VAV2: variants seen among roughly 807,000 people sequenced by gnomAD.
VAV2 encodes guanine nucleotide exchange factor VAV2.
Under a neutral mutation model 132.5 loss-of-function variants are expected in VAV2, and 67 were observed. The ratio of observed to expected loss-of-function variants is 0.51; its 90% CI spans 0.42 to 0.62. VAV2 has a LOEUF of 0.62. Among genes scored for constraint, VAV2 ranks in the 20% least tolerant of loss-of-function variants. VAV2 has a pLI of 0.00. For missense variants in VAV2, 938 were observed against 1,153.6 expected (o/e 0.81, Z 2.71); for synonymous variants, 492 against 443.5 (o/e 1.11, Z -1.37).
At chr9:133,835,487 A>T (rs1234661965) in intron 3 of VAV2, among the ~76,000 whole-genome samples, 1 of 152,176 alleles carries the variant, frequency 6.6e-6, no homozygotes, top group Non-Finnish European at 1.5e-5. Flanking sequence ...GCTCAACGCT[A>T]TGGGCCAAAT....
intron 3 of VAV2, among the ~76,000 whole-genome samples, chr9:133,849,443 C>G (rs1219567193): frequency 1.3e-5 from 2 of 152,210 alleles, no homozygotes; most frequent in Non-Finnish European, 2.9e-5. Context: ...GCCTCCACCC[C>G]ACAGGCAGGC....
intron 2 of VAV2, among the ~76,000 whole-genome samples, chr9:133,871,403 CGGATGGAT>C (rs146750703): frequency 9.1e-5 from 13 of 142,924 alleles, no homozygotes; most frequent in African/African-American, 2.9e-4. Flanking sequence ...GATGGACGGA[CGGATGGAT>C]GGATGGATGG....
chr9:133,780,434 T>C (rs1424077329), intron 20 of VAV2, among the ~76,000 whole-genome samples: 1 of 152,112 alleles, frequency 6.6e-6, no homozygotes, highest in Non-Finnish European at 1.5e-5. Flanking sequence ...GTCCCAGAGC[T>C]GTACCCATAG....
chr9:133,909,029 G>C (rs111886975), intron 2 of VAV2, among the ~76,000 whole-genome samples: 3 of 152,208 alleles, frequency 2.0e-5, no homozygotes, highest in African/African-American at 7.2e-5. Context: ...TAAGAACATC[G>C]AACTCAAAAA....
chr9:133,964,039 A>G (rs914253809), intron 1 of VAV2, among the ~76,000 whole-genome samples: 2 of 104,550 alleles, frequency 1.9e-5, no homozygotes, highest in Non-Finnish European at 4.3e-5. Flanking sequence ...ATATATATAT[A>G]TATATATATA....
intron 1 of VAV2, among the ~76,000 whole-genome samples, chr9:133,977,218 C>T (rs1460562995): frequency 6.6e-6 from 1 of 152,246 alleles, no homozygotes; most frequent in Non-Finnish European, 1.5e-5. Context: ...CTCCGGCATC[C>T]AATGGGTGCC....
At chr9:133,856,485 GC>G (rs1359721249) in intron 3 of VAV2, among the ~76,000 whole-genome samples, 4 of 151,776 alleles carry the variant, frequency 2.6e-5, no homozygotes, top group Non-Finnish European at 5.9e-5. Context: ...GCTGGTATGT[GC>G]CCCCCACTGG....
intron 29 of VAV2, among the ~76,000 whole-genome samples, chr9:133,765,253 C>CA (rs1588147331): frequency 6.6e-6 from 1 of 152,356 alleles, no homozygotes; most frequent in East Asian, 1.9e-4. Flanking sequence ...TACCTAACCT[C>CA]AAAGTATTAC....
chr9:133,789,691 A>C (rs1455288773), intron 13 of VAV2, among the ~76,000 whole-genome samples: 2 of 146,722 alleles, frequency 1.4e-5, no homozygotes, highest in Middle Eastern at 3.2e-3. Flanking sequence ...AAAAGCCAGA[A>C]GCCCAAGCCC....
intron 6 of VAV2, 104 bp downstream of exon 6, chr9:133,810,087 G>A: frequency 6.5e-7 from 1 of 1,529,894 alleles, no homozygotes. Flanking sequence ...TGTCTTCCTG[G>A]GGGCAGGGTC....
intron 2 of VAV2, among the ~76,000 whole-genome samples, chr9:133,937,517 CGCGTGTGAGAGTGT>C (rs1252173032): frequency 9.4e-6 from 1 of 106,270 alleles, no homozygotes; most frequent in African/African-American, 3.3e-5. Context: ...AGTGTGTGTG[CGCGTGTGAGAGTGT>C]GTGTGAGAGT....
chr9:133,904,094 C>T (rs1839546245), intron 2 of VAV2, among the ~76,000 whole-genome samples: 1 of 152,212 alleles, frequency 6.6e-6, no homozygotes, highest in African/African-American at 2.4e-5. Context: ...TTTTGAGCTG[C>T]TTCCTATCCG....
chr9:133,827,440 AGTGGGG>A (rs1353883878), intron 4 of VAV2, among the ~76,000 whole-genome samples: 2 of 3,554 alleles, frequency 5.6e-4, no homozygotes, highest in Non-Finnish European at 1.0e-3. Flanking sequence ...CTGACCACTG[AGTGGGG>A]GCATCACCAC....
intron 9 of VAV2, among the ~76,000 whole-genome samples, 195 bp downstream of exon 9, chr9:133,805,886 G>A (rs1024641451): frequency 4.9e-4 from 75 of 152,280 alleles, no homozygotes; most frequent in African/African-American, 1.7e-3. Context: ...AGGACAGGAG[G>A]CTCCACACCC....
intron 7 of VAV2, among the ~76,000 whole-genome samples, chr9:133,807,650 G>C (rs1327236568): frequency 6.6e-6 from 1 of 152,194 alleles, no homozygotes; most frequent in Non-Finnish European, 1.5e-5. Flanking sequence ...GAGGGGCTGA[G>C]ACCCAGGAGG....
intron 3 of VAV2, among the ~76,000 whole-genome samples, chr9:133,849,283 G>C (rs1837076282): frequency 6.6e-6 from 1 of 152,168 alleles, no homozygotes; most frequent in South Asian, 2.1e-4. Context: ...CCTCATCCCT[G>C]CTACCTGGAG....
intron 22 of VAV2, 107 bp downstream of exon 22, chr9:133,778,655 C>T (rs368323857): frequency 4.1e-6 from 6 of 1,473,380 alleles, no homozygotes; most frequent in East Asian, 4.9e-5. Flanking sequence ...TGGTCTCTCA[C>T]CTCTCTGCCT....
intron 4 of VAV2, among the ~76,000 whole-genome samples, chr9:133,825,725 T>C (rs2131745497): frequency 6.6e-6 from 1 of 152,172 alleles, no homozygotes; most frequent in African/African-American, 2.4e-5. Flanking sequence ...TGTTCCTCAC[T>C]CCTTGTACCC....
At chr9:133,870,733 G>A (rs1564422323) in intron 2 of VAV2, among the ~76,000 whole-genome samples, 1 of 147,184 alleles carries the variant, frequency 6.8e-6, no homozygotes, top group African/African-American at 2.5e-5. Context: ...GGATGGATCA[G>A]CAGATGAGTG....
Sources: gnomAD v4.1 joint callset for allele counts (sites outside exome capture counted in the v4.1 genomes callset) on GRCh38, gnomAD v4.1.1 for gene constraint, MANE v1.5 for transcripts, NCBI Gene and HGNC (gene_info 2026-07-23, HGNC 2026-07-21) for gene names.